The following HECTD4 variants were observed in gnomAD, a reference collection of about 807,000 sequenced individuals.
HECTD4 encodes the protein probable E3 ubiquitin-protein ligase HECTD4.
Under a neutral mutation model 471.5 loss-of-function variants are expected in HECTD4, and 114 were observed. The observed-to-expected ratio is 0.24, with a 90% confidence interval of 0.21 to 0.28. The LOEUF (loss-of-function observed/expected upper bound fraction) is 0.28. Ranked by LOEUF, HECTD4 falls within the 10% of genes least tolerant of loss-of-function variation. The pLI is 1.00. For synonymous variants in HECTD4, 2,012 were observed against 2,256.0 expected, an observed-to-expected ratio of 0.89 and a Z score of 3.07; for missense variants, 3,866 against 5,651.5, an observed-to-expected ratio of 0.68 and a Z score of 10.13.
chr12:112,208,091 T>C, intron 51 of HECTD4, 91 bp from the exon 52 acceptor site: 2 of 1,398,644 alleles, frequency 1.4e-6, no homozygotes, highest in Non-Finnish European at 1.9e-6. Context: ...CCTGAGGTCT[T>C]CACCCCACTT....
In HECTD4 at chr12:112,236,954, T is replaced by A; in HGVS notation, c.5435A>T (p.Asp1812Val). 6.2e-7 allele frequency: 1 copy of A among 1,610,462 alleles called. No individual in the cohort carries two copies. Among genetic ancestry groups the A allele is most frequent in the South Asian group, 1.1e-5 (1 of 90,202 alleles). The change falls in exon 35 of 76, where the codon GAT becomes GTT. Residue 1812 changes from aspartate to valine, a missense_variant. Asp to Val is a radical substitution (Grantham distance 152). Around this residue, in one of 16 missense-constraint regions of HECTD4, gnomAD observed 229 missense variants for 386.4 expected, o/e 0.59. Coordinates refer to ENST00000682272, the MANE Select transcript of HECTD4 (RefSeq NM_001388303.1). ...ALQDVLSLLNDLSRSHIGKAI... is the reference protein window; with the variant it reads ...ALQDVLSLLNVLSRSHIGKAI... ...GCTGGACCTTGCATACCTTGAGAGA[T>A]CATTGAGAAGACTAAGGACATCCTG...
intron 1 of HECTD4, among the ~76,000 whole-genome samples, chr12:112,373,710 G>C (rs989726660): frequency 1.1e-4 from 16 of 152,026 alleles, no homozygotes; most frequent in Non-Finnish European, 1.8e-4. Flanking sequence ...AGATGCACCA[G>C]AAGATAACTA....
chr12:112,182,965 G>A (rs1281815397), intron 62 of HECTD4, 94 bp downstream of exon 62: 2 of 842,972 alleles, frequency 2.4e-6, no homozygotes, highest in East Asian at 2.4e-5. Context: ...AGGGGATACT[G>A]GGGAGGGGAG....
chr12:112,210,744 A>G (rs1308724216), intron 49 of HECTD4, among the ~76,000 whole-genome samples: 1 of 152,250 alleles, frequency 6.6e-6, no homozygotes, highest in Non-Finnish European at 1.5e-5. Flanking sequence ...GTCTGTGATT[A>G]CATACATACA....
At chr12:112,318,713 C>T (rs562399542) in intron 2 of HECTD4, among the ~76,000 whole-genome samples, 21 of 152,266 alleles carry the variant, frequency 1.4e-4, no homozygotes, top group African/African-American at 5.1e-4. Context: ...ACTGAGAAAT[C>T]TTCCAATTAA....
intron 45 of HECTD4, 93 bp downstream of exon 45, chr12:112,219,289 GCAAA>G (rs956172561): frequency 1.3e-5 from 10 of 796,586 alleles, no homozygotes; most frequent in African/African-American, 6.9e-5. Context: ...AAACGGCTTT[GCAAA>G]CACTTATTCT....
At position 112,172,838 on chromosome 12, in the gene HECTD4, T is replaced by C. The variant is rs371291789; in HGVS notation, c.11618A>G (p.His3873Arg). 6.2e-7 allele frequency: 1 copy of C among 1,613,978 alleles called. No individual in the cohort carries two copies. Among genetic ancestry groups the C allele is most frequent in the Middle Eastern group, 1.6e-4 (1 of 6,062 alleles). ...CCACTTTCTTGAGGCCTTCTGTGCATGTCGGACATCGATGCATGCGCACCT... is the reference window on the plus strand; with the variant it reads ...CCACTTTCTTGAGGCCTTCTGTGCACGTCGGACATCGATGCATGCGCACCT... ...FERCACIDVR[H>R]AQKASRKWTL... Residue 3873 changes from histidine (H) to arginine (R), a missense_variant, in exon 67 of 76, where the codon CAT (histidine) becomes CGT (arginine). His to Arg is a conservative substitution (Grantham distance 29). This residue lies in a region of HECTD4 where 715 missense variants were observed against 1,087.6 expected (regional missense o/e 0.66). Transcript: ENST00000682272.
At chr12:112,219,604 T>TG (rs2085760486) in intron 44 of HECTD4, 115 bp from the exon 45 acceptor site, 2 of 487,708 alleles carry the variant, frequency 4.1e-6, no homozygotes, top group East Asian at 8.2e-5. Context: ...CTCATTGAAT[T>TG]TTTTTTTTTT....
chr12:112,298,777 G>A (rs1424186479), intron 7 of HECTD4, among the ~76,000 whole-genome samples: 1 of 151,616 alleles, frequency 6.6e-6, no homozygotes, highest in Admixed American at 6.6e-5. Flanking sequence ...AGCTACTCAG[G>A]AGGCTGAGGC....
intron 49 of HECTD4, 119 bp downstream of exon 49, chr12:112,212,368 C>A: frequency 1.3e-6 from 1 of 781,514 alleles, no homozygotes; most frequent in Non-Finnish European, 2.1e-6. Flanking sequence ...CCTTCCTCTG[C>A]CATTGTGTAC....
At chr12:112,335,695 A>G (rs1165027073) in intron 1 of HECTD4, among the ~76,000 whole-genome samples, 2 of 152,116 alleles carry the variant, frequency 1.3e-5, no homozygotes, top group African/African-American at 2.4e-5. Flanking sequence ...CTCAAAAACA[A>G]AAGACTATAA....
chr12:112,279,887 T>G (rs1041395691), intron 8 of HECTD4, among the ~76,000 whole-genome samples: 1 of 152,218 alleles, frequency 6.6e-6, no homozygotes, highest in Non-Finnish European at 1.5e-5. Context: ...ATCCAAAATA[T>G]TCCAGTGAAC....
chr12:112,319,377 A>G lies in HECTD4; in HGVS notation c.543T>C (p.Pro181=), dbSNP rs1283462467. The change falls in exon 2 of 76, where the codon CCT becomes CCC. Residue 181 remains proline (P), a synonymous_variant. Coordinates refer to ENST00000682272, the MANE Select transcript of HECTD4 (RefSeq NM_001388303.1). This position sits in a 1 kb window ranked among gnomAD's most constrained non-coding sequence, Gnocchi z 5.3. ...CAGCAGGCTCCTTGGTCAAGCTCAA[A>G]GGCTGGCAGTCACGAAGGCAGTTCA... is the stretch of plus-strand genomic sequence containing the variant. ...VLLNCLRDCQ[P]LSLTKEPADC... The G allele has an allele frequency of 2.0e-6, 3 of 1,536,128 alleles. No homozygotes were observed. The highest frequency in any genetic ancestry group is 2.6e-6 in the Non-Finnish European group (3 of 1,146,906).
At chr12:112,333,147 A>G (rs193282014) in intron 1 of HECTD4, among the ~76,000 whole-genome samples, 1 of 152,354 alleles carries the variant, frequency 6.6e-6, no homozygotes, top group East Asian at 1.9e-4. Context: ...GCTATTACGA[A>G]TAATGCTGCT....
Position 112,160,429 on chromosome 12 carries a change from C to T in HECTD4, c.*1958G>A, listed in dbSNP as rs2030650928. 1 of 152,112 alleles carries T rather than the reference C, an allele frequency of 6.6e-6. No individual in the cohort carries two copies. The highest frequency in any genetic ancestry group is 2.1e-4 in the South Asian group (1 of 4,826). The allele number at this position is 152,112 out of a possible 1,614,324, so 9.4% of individuals were successfully genotyped here. A position where few individuals can be genotyped will look rare whatever the true frequency, so the allele number is the denominator to read the frequency against. ...GAATGAAAAGTTTGTTAAATGCAAC[C>T]ATAAATAATTATAATAAATATACAT... On this transcript the variant is annotated 3_prime_UTR_variant, in exon 76 of 76. Coordinates refer to ENST00000682272, the MANE Select transcript of HECTD4 (RefSeq NM_001388303.1).
Position 112,235,305 on chromosome 12 carries a change from G to T in HECTD4, c.5726-39C>A. 6.3e-7 allele frequency: 1 copy of T among 1,581,566 alleles called. No homozygotes were observed. Among genetic ancestry groups the T allele is most frequent in the Non-Finnish European group, 8.6e-7 (1 of 1,163,750 alleles). ...ACAAAGCTCATTCAGGAAAACTGCA[G>T]TGTTGTTTTGGCGGCTCTGCTAAAA... is the stretch of plus-strand genomic sequence containing the variant. On this transcript the variant is annotated intron_variant, in intron 36 of 75. Coordinates refer to ENST00000682272, the MANE Select transcript of HECTD4 (RefSeq NM_001388303.1). This position sits in a 1 kb window ranked among gnomAD's most constrained non-coding sequence, Gnocchi z 5.0.
intron 1 of HECTD4, among the ~76,000 whole-genome samples, chr12:112,352,188 G>A (rs1046399565): frequency 2.6e-5 from 4 of 152,154 alleles, no homozygotes; most frequent in African/African-American, 4.8e-5. Context: ...CTATGGTGGC[G>A]AGGAGGGGAC....
At chr12:112,368,528 CAGA>C in intron 1 of HECTD4, among the ~76,000 whole-genome samples, 1 of 152,168 alleles carries the variant, frequency 6.6e-6, no homozygotes, top group Non-Finnish European at 1.5e-5. Context: ...AAAGAAACAG[CAGA>C]AGACAATTAT....
intron 7 of HECTD4, among the ~76,000 whole-genome samples, chr12:112,296,274 G>A (rs2035010755): frequency 6.6e-6 from 1 of 151,804 alleles, no homozygotes; most frequent in Non-Finnish European, 1.5e-5. Flanking sequence ...TAGGTACAGA[G>A]GGTGTAGGTG....
Sources: gnomAD v4.1 joint callset for allele counts (sites outside exome capture counted in the v4.1 genomes callset) on GRCh38, gnomAD v4.1.1 for gene constraint, gnomAD v4.1.1 regional missense constraint, Gnocchi (gnomAD v3.1) non-coding constraint, MANE v1.5 for transcripts, NCBI Gene and HGNC (gene_info 2026-07-23, HGNC 2026-07-21) for gene names.